Variants in FIRRM observed in about 807,000 individuals in gnomAD.
FIRRM encodes the protein FIGNL1-interacting regulator of recombination and mitosis.
the FIRRM span, among the ~76,000 whole-genome samples, chr1:169,791,173 A>G: frequency 6.6e-6 from 1 of 152,220 alleles, no homozygotes; most frequent in East Asian, 1.9e-4. Flanking sequence ...GTACTGGTCC[A>G]CGGCGCAGGC....
At chr1:169,847,762 G>T in the FIRRM span, 1 of 1,613,396 alleles carries the variant, frequency 6.2e-7, no homozygotes, top group Non-Finnish European at 8.5e-7. Context: ...GTTGGATTTT[G>T]TATCTTCTTT....
chr1:169,831,731 T>G, the FIRRM span, among the ~76,000 whole-genome samples: 1 of 152,200 alleles, frequency 6.6e-6, no homozygotes, highest in Non-Finnish European at 1.5e-5. Flanking sequence ...TTGATAAAAT[T>G]GAATTTATAA....
At chr1:169,809,417 A>G in the FIRRM span, among the ~76,000 whole-genome samples, 27 of 152,126 alleles carry the variant, frequency 1.8e-4, no homozygotes, top group Admixed American at 3.3e-4. Flanking sequence ...CTCAACACCA[A>G]CCTCCTCCTT....
At chr1:169,853,152 G>T in the FIRRM span, 2 of 707,916 alleles carry the variant, frequency 2.8e-6, no homozygotes, top group Non-Finnish European at 4.7e-6. Context: ...TTCTTATTAA[G>T]AACTTTGGTA....
At chr1:169,784,915 T>G in the FIRRM span, 1 of 152,252 alleles carries the variant, frequency 6.6e-6, no homozygotes, top group Non-Finnish European at 1.5e-5. Flanking sequence ...CTACTCATAG[T>G]AAGTACTCAG....
the FIRRM span, chr1:169,827,648 A>C: frequency 1.3e-6 from 2 of 1,592,164 alleles, no homozygotes; most frequent in Admixed American, 1.7e-5. Context: ...AAACAAAAAA[A>C]AATTATTCCT....
chr1:169,849,810 A>C, the FIRRM span: 1 of 560,238 alleles, frequency 1.8e-6, no homozygotes, highest in Non-Finnish European at 3.2e-6. Flanking sequence ...CCTCTGAATA[A>C]ACAAGGACCA....
the FIRRM span, chr1:169,853,103 T>A: frequency 3.1e-6 from 3 of 952,418 alleles, no homozygotes; most frequent in East Asian, 7.8e-5. Context: ...GTGAAAATAA[T>A]CTTTATTTGA....
chr1:169,815,083 G>T, the FIRRM span, among the ~76,000 whole-genome samples: 1 of 152,020 alleles, frequency 6.6e-6, no homozygotes, highest in African/African-American at 2.4e-5. Flanking sequence ...AGATCATGAG[G>T]TCAGGAGTTG....
At chr1:169,793,544 T>C in the FIRRM span, 1 of 1,614,102 alleles carries the variant, frequency 6.2e-7, no homozygotes, top group East Asian at 2.2e-5. Flanking sequence ...GTCAAATTGT[T>C]CTGCAGAACA....
the FIRRM span, among the ~76,000 whole-genome samples, chr1:169,828,793 G>A: frequency 9.1e-4 from 139 of 152,216 alleles, 6 homozygotes; most frequent in South Asian, 0.025. Context: ...TGATCTTCCC[G>A]CCTCGGCCTC....
chr1:169,792,038 C>T, the FIRRM span, among the ~76,000 whole-genome samples: 6 of 152,306 alleles, frequency 3.9e-5, no homozygotes, highest in African/African-American at 9.6e-5. Flanking sequence ...CTCTGTATTA[C>T]TTTTATACTC....
At chr1:169,853,842 A>G in the FIRRM span, 30 of 1,551,892 alleles carry the variant, frequency 1.9e-5, no homozygotes, top group African/African-American at 3.3e-4. Context: ...CGCAAATTTG[A>G]AAAAGCAGGA....
chr1:169,826,089 T>C, the FIRRM span: 1 of 337,568 alleles, frequency 3.0e-6, no homozygotes, highest in South Asian at 2.6e-5. Flanking sequence ...TTTTCTTTTT[T>C]GAGATGGAGT....
At chr1:169,850,525 C>G in the FIRRM span, 2 of 519,080 alleles carry the variant, frequency 3.9e-6, no homozygotes. Flanking sequence ...GGGCCAGGCG[C>G]GGCGGCTCAT....
At chr1:169,832,497 A>G in the FIRRM span, 1 of 1,611,526 alleles carries the variant, frequency 6.2e-7, no homozygotes, top group Non-Finnish European at 8.5e-7. Context: ...TCATGGCACC[A>G]CCCCATCAGG....
chr1:169,850,689 G>A, the FIRRM span: 112,000 of 175,992 alleles, frequency 0.64, 36,157 homozygotes, highest in Middle Eastern at 0.75. Context: ...CCAGCTACTC[G>A]GGAGGCTGAG....
At chr1:169,824,842 T>A in the FIRRM span, among the ~76,000 whole-genome samples, 1 of 152,224 alleles carries the variant, frequency 6.6e-6, no homozygotes, top group Non-Finnish European at 1.5e-5. Flanking sequence ...GCCTGTTATC[T>A]GTCTATTATC....
the FIRRM span, chr1:169,843,917 C>T: frequency 3.3e-6 from 2 of 610,372 alleles, no homozygotes; most frequent in South Asian, 2.0e-5. Flanking sequence ...TATCTCATTT[C>T]TCTTTCTTCC....
Sources: allele counts gnomAD v4.1 joint callset (sites outside exome capture counted in the v4.1 genomes callset), GRCh38; gene constraint gnomAD v4.1.1; transcripts MANE v1.5; gene names NCBI Gene and HGNC (gene_info 2026-07-23, HGNC 2026-07-21).